Variants in NCOR2 observed in about 807,000 individuals in gnomAD.
NCOR2 encodes the protein nuclear receptor corepressor 2.
Under a neutral mutation model 262.9 loss-of-function variants are expected in NCOR2, and 81 were observed. The ratio of observed to expected loss-of-function variants is 0.31; its 90% CI spans 0.26 to 0.37. NCOR2 has a LOEUF of 0.37. Among genes scored for constraint, NCOR2 ranks in the 10% least tolerant of loss-of-function variants. The probability of loss-of-function intolerance (pLI) is 1.00; values close to 1 mark genes in which losing one functional copy is unlikely to be tolerated. For missense variants in NCOR2, 3,385 were observed against 3,621.4 expected, an observed-to-expected ratio of 0.93 and a Z score of 1.68; for synonymous variants, 1,659 against 1,559.3, an observed-to-expected ratio of 1.06 and a Z score of -1.51.
At chr12:124,428,086 T>TGTGTGTGTGTGTGCGCGC (rs958627720) in intron 10 of NCOR2, among the ~76,000 whole-genome samples, 4 of 147,054 alleles carry the variant, frequency 2.7e-5, no homozygotes, top group Admixed American at 6.8e-5. Flanking sequence ...TGTGTGTGTG[T>TGTGTGTGTGTGTGCGCGC]GTACATGCAA....
At chr12:124,567,565 C>G (rs1287128478), upstream of NCOR2, 1 of 146,222 alleles carries the variant, frequency 6.8e-6, no homozygotes, top group South Asian at 2.0e-4. Flanking sequence ...CGGTGCGGCC[C>G]GGCCTGCCCG....
intron 28 of NCOR2, chr12:124,348,515 T>G: frequency 1.6e-6 from 1 of 634,614 alleles, no homozygotes; most frequent in Non-Finnish European, 2.6e-6. Flanking sequence ...CCAGGAGCTT[T>G]TCCAGGGGGT....
At chr12:124,417,531 C>G (rs1474235842) in intron 13 of NCOR2, among the ~76,000 whole-genome samples, 1 of 152,164 alleles carries the variant, frequency 6.6e-6, no homozygotes, top group Non-Finnish European at 1.5e-5. Context: ...TGCCCCCAAA[C>G]AGGTCATGGG....
At chr12:124,551,788 G>A (rs965747756) in intron 1 of NCOR2, among the ~76,000 whole-genome samples, 4 of 152,162 alleles carry the variant, frequency 2.6e-5, no homozygotes, top group Non-Finnish European at 4.4e-5. Flanking sequence ...AAGGAGGCGC[G>A]GGCCGTTTTC....
Position 124,517,959 on chromosome 12 carries a change from C to T in NCOR2, c.-118+17606G>A, listed in dbSNP as rs1385786011. 6.6e-6 allele frequency among the ~76,000 whole-genome samples: 1 copy of T among 152,152 alleles called. No individual in the cohort carries two copies. The highest frequency in any genetic ancestry group is 2.4e-5 in the African/African-American group (1 of 41,424). On this transcript the variant is annotated intron_variant, in intron 1 of 46. Transcript: ENST00000404621. The surrounding 1 kb of genome is among the most constrained non-coding windows in gnomAD (Gnocchi z 7.6). Reference sequence around the variant, plus strand: ...GCCACTCAGCCCCCAGCCCTGGCCACCACCTCCAGCGACAGAACTGGGGCT... The same window carrying T: ...GCCACTCAGCCCCCAGCCCTGGCCATCACCTCCAGCGACAGAACTGGGGCT...
chr12:124,488,111 C>T (rs1280118598), intron 1 of NCOR2, among the ~76,000 whole-genome samples: 1 of 152,156 alleles, frequency 6.6e-6, no homozygotes, highest in Non-Finnish European at 1.5e-5. Context: ...AAAATCTAGT[C>T]ACTCTTTTGT....
chr12:124,325,386 C>CT (rs1555297276), exon 47 of NCOR2: 8 of 589,826 alleles, frequency 1.4e-5, no homozygotes, highest in South Asian at 1.1e-4. Context: ...CGCCCCCCCC[C>CT]CCGCCCTGTT....
At chr12:124,526,699 A>AG (rs1190312810) in intron 1 of NCOR2, among the ~76,000 whole-genome samples, 1 of 152,134 alleles carries the variant, frequency 6.6e-6, no homozygotes, top group Admixed American at 6.5e-5. Flanking sequence ...CAAGAACCCC[A>AG]GCAAAGCCAG....
At chr12:124,385,409 G>GA (rs1021627963) in intron 17 of NCOR2, among the ~76,000 whole-genome samples, 1 of 152,222 alleles carries the variant, frequency 6.6e-6, no homozygotes, top group Non-Finnish European at 1.5e-5. Flanking sequence ...ATTCCTGGCT[G>GA]AGTCAGTCTG....
In NCOR2 at chr12:124,441,236, G is replaced by C. The variant is rs893800989; in HGVS notation, c.816-3240C>G. Among the ~76,000 whole-genome samples the C allele has an allele frequency of 1.8e-4, 28 of 152,200 alleles. 1 individual carries two copies. Among genetic ancestry groups the C allele is most frequent in the Admixed American group, 1.4e-3 (22 of 15,278 alleles). On this transcript the variant is annotated intron_variant, in intron 7 of 46. Transcript: ENST00000405201. ...AGGAAGTATGCAAGAAGAGCCCAGA[G>C]TGACTTTAAGTCAAGAATTGCCAAA...
intron 13 of NCOR2, among the ~76,000 whole-genome samples, chr12:124,412,421 G>T (rs180678397): frequency 6.6e-6 from 1 of 152,216 alleles, no homozygotes; most frequent in Non-Finnish European, 1.5e-5. Flanking sequence ...TCTATGAAGC[G>T]TGGCTTTGCA....
chr12:124,426,501 T>A (rs2043558409), intron 11 of NCOR2, 121 bp downstream of exon 13: 3 of 956,082 alleles, frequency 3.1e-6, no homozygotes, highest in Middle Eastern at 3.3e-4. Flanking sequence ...AGAGAGTAAA[T>A]CCCTGCGGTT....
chr12:124,402,582 G>A, intron 13 of NCOR2, 21 bp from the exon 16 acceptor site: 5 of 1,550,936 alleles, frequency 3.2e-6, no homozygotes, highest in Non-Finnish European at 4.4e-6. Flanking sequence ...CCGGGGGAGG[G>A]CAGAGGGGAG....
intron 4 of NCOR2, among the ~76,000 whole-genome samples, chr12:124,467,284 ACCC>A (rs2046484819): frequency 9.1e-5 from 1 of 11,046 alleles, no homozygotes; most frequent in African/African-American, 3.7e-4. Flanking sequence ...TCACCCCATC[ACCC>A]TCATCCTCAT....
At chr12:124,404,784 T>C (rs1483687687) in intron 13 of NCOR2, among the ~76,000 whole-genome samples, 1 of 152,200 alleles carries the variant, frequency 6.6e-6, no homozygotes, top group Non-Finnish European at 1.5e-5. Flanking sequence ...CCATTTTCTA[T>C]GGGCCGGCTC....
rs112233733 is a variant in NCOR2 at position 124,336,941 on chromosome 12, G to C, written c.5927C>G (p.Ser1976Trp). The change falls in exon 38 of 47, where the codon TCG (serine) becomes TGG (tryptophan). Residue 1976 changes from serine to tryptophan, a missense_variant. Physicochemically the swap from Ser to Trp is radical, Grantham distance 177. Around this residue, in one of 5 missense-constraint regions of NCOR2, gnomAD observed 1,017 missense variants for 967.2 expected, o/e 1.05. Coordinates refer to ENST00000405201, the Ensembl canonical transcript of NCOR2. ...AGGAGGCACTAGGGGCCGGGGCTCC[G>C]AGCCCTTGCTGGGGGAGGAGGCGGG... 6.4e-7 allele frequency: 1 copy of C among 1,551,264 alleles called. No homozygotes were observed. Among genetic ancestry groups the C allele is most frequent in the Non-Finnish European group, 8.7e-7 (1 of 1,150,604 alleles).
At chr12:124,355,981 C>T (rs76086656) in intron 23 of NCOR2, among the ~76,000 whole-genome samples, 2,270 of 152,360 alleles carry the variant, frequency 0.015, 70 homozygotes, top group East Asian at 0.1. Flanking sequence ...GTCTTAGCCC[C>T]CGACTTGGCC....
chr12:124,567,066 C>T (rs1293481704), intron 1 of NCOR2, among the ~76,000 whole-genome samples: 1 of 152,130 alleles, frequency 6.6e-6, no homozygotes, highest in African/African-American at 2.4e-5. Flanking sequence ...CACTTCCCTC[C>T]TTCCCGCCCC....
rs1214781546 is a variant in NCOR2 at position 124,378,067 on chromosome 12, G to C, written c.2167+170C>G. Among the ~76,000 whole-genome samples the C allele has an allele frequency of 6.6e-6, 1 of 152,048 alleles. No individual in the cohort carries two copies. The highest frequency in any genetic ancestry group is 1.5e-5 in the Non-Finnish European group (1 of 68,026). On this transcript the variant is annotated intron_variant, in intron 18 of 46. Transcript: ENST00000405201. The surrounding 1 kb of genome is among the most constrained non-coding windows in gnomAD (Gnocchi z 4.2). ...GCCTTCATCCTTGTGCCCATTACTG[G>C]TGAGTTTCTGGCAAGTCAGGCCCGC...
Sources: allele counts gnomAD v4.1 joint callset (sites outside exome capture counted in the v4.1 genomes callset), GRCh38; gene constraint gnomAD v4.1.1; regional missense constraint gnomAD v4.1.1; non-coding constraint Gnocchi (gnomAD v3.1); transcripts MANE v1.5; gene names NCBI Gene and HGNC (gene_info 2026-07-23, HGNC 2026-07-21).